Variants in TIAM1 observed in about 807,000 individuals in gnomAD.
The protein encoded by TIAM1 is TIAM Rac1 associated GEF 1.
A neutral mutation model predicts 163.5 loss-of-function variants in TIAM1; 65 were observed. The observed-to-expected ratio is 0.40, with a 90% CI of 0.33 to 0.49. TIAM1 has a LOEUF of 0.49. TIAM1 is among the 20% of genes least tolerant of loss of function. The pLI is 0.77. For synonymous variants in TIAM1, 833 were observed against 810.1 expected (o/e 1.03, Z -0.48); for missense variants, 1,789 against 2,044.7 (o/e 0.87, Z 2.41).
At chr21:31,460,872 T>C (rs1435190735) in intron 2 of TIAM1, among the ~76,000 whole-genome samples, 1 of 152,192 alleles carries the variant, frequency 6.6e-6, no homozygotes, top group Non-Finnish European at 1.5e-5. Flanking sequence ...TAAGATGCAA[T>C]TAAAAAAGAA....
At chr21:31,424,650 T>C (rs1569319293) in intron 2 of TIAM1, among the ~76,000 whole-genome samples, 1 of 151,904 alleles carries the variant, frequency 6.6e-6, no homozygotes, top group Non-Finnish European at 1.5e-5. Context: ...AGAGGGAGAA[T>C]GTGGAGTGAT....
At chr21:31,446,881 T>C (rs2044644940) in intron 2 of TIAM1, among the ~76,000 whole-genome samples, 2 of 152,324 alleles carry the variant, frequency 1.3e-5, no homozygotes, top group South Asian at 4.1e-4. Flanking sequence ...AGAAATACTT[T>C]ATTCATCTTA....
intron 2 of TIAM1, among the ~76,000 whole-genome samples, chr21:31,443,358 G>A (rs1425029462): frequency 6.6e-6 from 1 of 152,190 alleles, no homozygotes; most frequent in Non-Finnish European, 1.5e-5. Context: ...GACAATTACA[G>A]TAGAGATGCG....
chr21:31,346,474 T>TC (rs1178376027), upstream of TIAM1, among the ~76,000 whole-genome samples: 3 of 152,176 alleles, frequency 2.0e-5, no homozygotes, highest in African/African-American at 4.8e-5. Flanking sequence ...AGCTACTGAC[T>TC]TACGCTGAAT....
chr21:31,277,530 A>T (rs2073351534), intron 2 of TIAM1, among the ~76,000 whole-genome samples: 1 of 152,180 alleles, frequency 6.6e-6, no homozygotes, highest in African/African-American at 2.4e-5. Context: ...TTGTAATCCC[A>T]GATACTCAGG....
chr21:31,442,232 GT>G (rs904586823), intron 2 of TIAM1, among the ~76,000 whole-genome samples: 2,339 of 124,904 alleles, frequency 0.019, 26 homozygotes, highest in African/African-American at 0.039. Context: ...GGAGTAGGGA[GT>G]TTTTTTTTTT....
At chr21:31,147,690 AT>A (rs891879564) in intron 19 of TIAM1, among the ~76,000 whole-genome samples, 21 of 145,050 alleles carry the variant, frequency 1.4e-4, no homozygotes, top group Admixed American at 2.1e-4. Flanking sequence ...ATAAATATAT[AT>A]TCTATAAAAT....
intron 1 of TIAM1, among the ~76,000 whole-genome samples, chr21:31,475,873 G>A (rs1343767096): frequency 2.6e-5 from 4 of 152,172 alleles, no homozygotes; most frequent in African/African-American, 9.6e-5. Flanking sequence ...GGTGATGTCC[G>A]AATCATTAGC....
chr21:31,267,483 C>T (rs2072841436), intron 3 of TIAM1, among the ~76,000 whole-genome samples: 1 of 151,694 alleles, frequency 6.6e-6, no homozygotes, highest in Non-Finnish European at 1.5e-5. Flanking sequence ...TAACCTCCTT[C>T]CCTCCCTGAC....
In TIAM1 at chr21:31,266,625, G is replaced by C; in HGVS notation, c.348C>G (p.Ile116Met). The change falls in exon 4 of 28, where the codon ATC (isoleucine) becomes ATG (methionine). Residue 116 changes from isoleucine to methionine, a missense_variant. By Grantham distance (10) the Ile-to-Met change is conservative (BLOSUM62 1). Transcript: ENST00000541036. ...TCTGCACAGAGGCTGCTGTGAGGAC[G>C]ATGCTGCTGTCTACGCTGGGAGTGA... ...SSVTPSVDSS[I>M]VLTAASVQSM... 3.1e-6 allele frequency: 5 copies of C among 1,614,214 alleles called. No individual in the cohort carries two copies. Among genetic ancestry groups the C allele is most frequent in the East Asian group, 2.2e-5 (1 of 44,878 alleles).
intron 16 of TIAM1, chr21:31,160,409 C>T (rs544812835): frequency 2.5e-6 from 1 of 398,544 alleles, no homozygotes; most frequent in East Asian, 3.6e-5. Context: ...ACAATCAAAC[C>T]TAGCAAGATA....
At chr21:31,148,650 T>C (rs920041358) in intron 19 of TIAM1, among the ~76,000 whole-genome samples, 7 of 152,174 alleles carry the variant, frequency 4.6e-5, no homozygotes, top group African/African-American at 1.7e-4. Context: ...ATATTTACTG[T>C]TTATTTACCC....
intron 2 of TIAM1, among the ~76,000 whole-genome samples, chr21:31,459,334 A>T (rs2045237708): frequency 6.6e-6 from 1 of 152,066 alleles, no homozygotes; most frequent in Non-Finnish European, 1.5e-5. Flanking sequence ...CTGGTCTTGA[A>T]CTTCTGGATG....
At chr21:31,170,951 G>A (rs529301862) in intron 15 of TIAM1, among the ~76,000 whole-genome samples, 5 of 146,528 alleles carry the variant, frequency 3.4e-5, no homozygotes, top group African/African-American at 1.3e-4. Context: ...CAGGAGAACC[G>A]CTTGAACCCA....
chr21:31,549,509 T>A lies in TIAM1; in HGVS notation c.-422+9418A>T, dbSNP rs139555424. On this transcript the variant is annotated intron_variant, in intron 1 of 28. Coordinates refer to the TIAM1 transcript ENST00000286827. ...TAAAAATGAGCAACACGTCTGAAGA[T>A]ACATTTCTTCAAAGAAAATATACGA... is the stretch of plus-strand genomic sequence containing the variant. Among the ~76,000 whole-genome samples the A allele has an allele frequency of 6.8e-4, 103 of 152,300 alleles. 2 individuals carry two copies. The East Asian group carries it at 0.018, about 27-fold the overall frequency.
chr21:31,234,642 A>G (rs1037787854), intron 6 of TIAM1, among the ~76,000 whole-genome samples: 2 of 151,952 alleles, frequency 1.3e-5, no homozygotes, highest in African/African-American at 4.8e-5. Context: ...TTAGCAAAGC[A>G]TGGTGGTGTG....
At chr21:31,410,933 C>A (rs1454068615) in intron 2 of TIAM1, among the ~76,000 whole-genome samples, 1 of 152,152 alleles carries the variant, frequency 6.6e-6, no homozygotes, top group Non-Finnish European at 1.5e-5. Flanking sequence ...GGGGCCCGCT[C>A]CTCACTGGAC....
intron 2 of TIAM1, among the ~76,000 whole-genome samples, chr21:31,393,375 G>A (rs568162941): frequency 3.9e-4 from 60 of 152,258 alleles, no homozygotes; most frequent in African/African-American, 1.3e-3. Context: ...GTCCACTGAC[G>A]TCCACTTCTG....
intron 15 of TIAM1, among the ~76,000 whole-genome samples, chr21:31,181,972 T>TA (rs2085052415): frequency 6.7e-6 from 1 of 148,514 alleles, no homozygotes. Flanking sequence ...TTTGGAGAGA[T>TA]AGAGTCTCGT....
Sources: allele counts gnomAD v4.1 joint callset (sites outside exome capture counted in the v4.1 genomes callset), GRCh38; gene constraint gnomAD v4.1.1; transcripts MANE v1.5; gene names NCBI Gene and HGNC (gene_info 2026-07-23, HGNC 2026-07-21).